The following COL25A1 variants were observed in gnomAD, a reference collection of about 807,000 sequenced individuals.
COL25A1 encodes the protein collagen type XXV alpha 1 chain.
Under a neutral mutation model 128.4 loss-of-function variants are expected in COL25A1, and 103 were observed. The ratio of observed to expected loss-of-function variants is 0.80; its 90% CI spans 0.68 to 0.94. COL25A1 has a LOEUF of 0.94. Among genes scored for constraint, COL25A1 ranks in the 40% least tolerant of loss-of-function variants. COL25A1 has a pLI of 0.00. For synonymous variants in COL25A1, 279 were observed against 277.2 expected, an observed-to-expected ratio of 1.01 and a Z score of -0.06; for missense variants, 745 against 840.0, an observed-to-expected ratio of 0.89 and a Z score of 1.40.
At chr4:108,982,523 T>C (rs1431507166) in intron 6 of COL25A1, among the ~76,000 whole-genome samples, 2 of 152,162 alleles carry the variant, frequency 1.3e-5, no homozygotes, top group Non-Finnish European at 2.9e-5. Context: ...AAACTCTGTG[T>C]TCAAAACAGC....
chr4:109,110,555 G>A (rs369290568), intron 3 of COL25A1, among the ~76,000 whole-genome samples: 4 of 151,972 alleles, frequency 2.6e-5, no homozygotes, highest in South Asian at 2.1e-4. Context: ...TCCTGATCTC[G>A]AGGTCAATAT....
At chr4:108,826,217 G>C (rs1376216969) in intron 33 of COL25A1, among the ~76,000 whole-genome samples, 1 of 152,058 alleles carries the variant, frequency 6.6e-6, no homozygotes, top group Non-Finnish European at 1.5e-5. Context: ...AAGCAAACCA[G>C]AGGTCTCAAT....
intron 3 of COL25A1, among the ~76,000 whole-genome samples, chr4:109,270,844 T>C (rs992347700): frequency 2.0e-5 from 3 of 152,194 alleles, no homozygotes; most frequent in Non-Finnish European, 4.4e-5. Context: ...CTAAAGATCA[T>C]AATTATCTAA....
At chr4:108,917,310 C>A (rs901523741) in intron 13 of COL25A1, among the ~76,000 whole-genome samples, 1 of 152,158 alleles carries the variant, frequency 6.6e-6, no homozygotes, top group Non-Finnish European at 1.5e-5. Flanking sequence ...CGTATGATTT[C>A]AGAATTTGGT....
At chr4:109,300,433 C>T (rs1725399881) in intron 3 of COL25A1, 150 bp downstream of exon 3, 2 of 588,954 alleles carry the variant, frequency 3.4e-6, no homozygotes, top group Non-Finnish European at 6.1e-6. Flanking sequence ...TATTTGCCAT[C>T]CTTTTGAATG....
chr4:108,962,302 C>T (rs1381353803), intron 8 of COL25A1, among the ~76,000 whole-genome samples: 2 of 151,966 alleles, frequency 1.3e-5, no homozygotes, highest in African/African-American at 2.4e-5. Flanking sequence ...ATTCTCCTGC[C>T]TCAGCCTCCC....
chr4:109,231,054 G>T (rs991457428), intron 3 of COL25A1, among the ~76,000 whole-genome samples: 2 of 152,050 alleles, frequency 1.3e-5, no homozygotes, highest in African/African-American at 2.4e-5. Context: ...CAGGAGAATC[G>T]CTTGATCCCG....
chr4:109,232,441 A>G (rs916232701), intron 3 of COL25A1, among the ~76,000 whole-genome samples: 1 of 152,188 alleles, frequency 6.6e-6, no homozygotes, highest in African/African-American at 2.4e-5. Context: ...ATTCACCTTT[A>G]TAACATATAG....
chr4:108,871,347 T>TCTCG (rs1738681440), intron 19 of COL25A1, among the ~76,000 whole-genome samples: 2 of 151,934 alleles, frequency 1.3e-5, no homozygotes, highest in Admixed American at 1.3e-4. Context: ...TGAGACGGAG[T>TCTCG]CTCAGTCGCC....
At chr4:109,111,980 C>T (rs75608748) in intron 3 of COL25A1, among the ~76,000 whole-genome samples, 12,054 of 152,102 alleles carry the variant, frequency 0.079, 618 homozygotes, top group Middle Eastern at 0.11. Flanking sequence ...GAGAATCTCA[C>T]GTTTAATCTA....
intron 8 of COL25A1, among the ~76,000 whole-genome samples, chr4:108,952,831 C>CTTTTT (rs59761040): frequency 5.2e-4 from 35 of 66,984 alleles, no homozygotes; most frequent in South Asian, 7.5e-4. Flanking sequence ...AAAAACTCAA[C>CTTTTT]TTTTTTTTTT....
At chr4:109,120,754 G>T (rs1272914190) in intron 3 of COL25A1, among the ~76,000 whole-genome samples, 1 of 151,892 alleles carries the variant, frequency 6.6e-6, no homozygotes, top group East Asian at 1.9e-4. Context: ...GCTACAGTGA[G>T]CTGTGATTGT....
At chr4:109,040,739 T>C (rs1759801336) in intron 5 of COL25A1, among the ~76,000 whole-genome samples, 1 of 152,170 alleles carries the variant, frequency 6.6e-6, no homozygotes, top group Admixed American at 6.5e-5. Context: ...GACTGGACAT[T>C]AGAACGGTAC....
At chr4:109,046,517 T>C (rs750883202) in intron 5 of COL25A1, among the ~76,000 whole-genome samples, 1 of 152,056 alleles carries the variant, frequency 6.6e-6, no homozygotes, top group Non-Finnish European at 1.5e-5. Flanking sequence ...ACCTCAGGAG[T>C]TTCCTCTGGG....
At chr4:109,201,880 A>T (rs1004052594) in intron 3 of COL25A1, among the ~76,000 whole-genome samples, 1 of 152,206 alleles carries the variant, frequency 6.6e-6, no homozygotes, top group African/African-American at 2.4e-5. Flanking sequence ...AAAACCACTT[A>T]TGTTACCACA....
chr4:109,153,231 C>G lies in COL25A1; in HGVS notation c.368-103052G>C, dbSNP rs150937926. Reference sequence around the variant, plus strand: ...AGAAACCTCAACTCTACTAAAAATACAAAATTAGCTGGGCGTGGTAGCTCA... The same window carrying G: ...AGAAACCTCAACTCTACTAAAAATAGAAAATTAGCTGGGCGTGGTAGCTCA... On this transcript the variant is annotated intron_variant, in intron 3 of 37. Transcript: ENST00000399132. Among the ~76,000 whole-genome samples the G allele has an allele frequency of 7.3e-3, 1,104 of 151,254 alleles. 6 individuals are homozygous for G. The highest frequency in any genetic ancestry group is 0.026 in the African/African-American group (1,059 of 41,208).
chr4:109,017,719 C>T (rs926473588), intron 5 of COL25A1, among the ~76,000 whole-genome samples: 1 of 152,114 alleles, frequency 6.6e-6, no homozygotes, highest in Non-Finnish European at 1.5e-5. Context: ...AACAGATTCA[C>T]GTACATCCTT....
At chr4:109,042,290 A>T (rs1027334140) in intron 5 of COL25A1, among the ~76,000 whole-genome samples, 1 of 152,098 alleles carries the variant, frequency 6.6e-6, no homozygotes, top group Non-Finnish European at 1.5e-5. Context: ...GACACTAGAG[A>T]ATCTATTCTA....
At chr4:108,850,067 A>C (rs1461010627) in intron 26 of COL25A1, among the ~76,000 whole-genome samples, 2 of 152,176 alleles carry the variant, frequency 1.3e-5, no homozygotes, top group South Asian at 2.1e-4. Flanking sequence ...TTTCATTCAG[A>C]GTCTGAATAC....
Sources: allele counts gnomAD v4.1 joint callset (sites outside exome capture counted in the v4.1 genomes callset), GRCh38; gene constraint gnomAD v4.1.1; transcripts MANE v1.5; gene names NCBI Gene and HGNC (gene_info 2026-07-23, HGNC 2026-07-21).